FRMD4A: variants seen among roughly 807,000 people sequenced by gnomAD.
FRMD4A encodes FERM domain-containing protein 4A.
In FRMD4A, 29 loss-of-function variants were observed where a neutral mutation model predicts 129.1. The ratio of observed to expected loss-of-function variants is 0.22; its 90% CI spans 0.17 to 0.31. FRMD4A has a LOEUF of 0.31. FRMD4A is among the 10% of genes least tolerant of loss of function. The probability of loss-of-function intolerance (pLI) is 1.00; values close to 1 mark genes in which losing one functional copy is unlikely to be tolerated. For missense variants in FRMD4A, 1,272 were observed against 1,375.8 expected (o/e 0.92, Z 1.19); for synonymous variants, 634 against 571.6 (o/e 1.11, Z -1.56).
intron 2 of FRMD4A, among the ~76,000 whole-genome samples, chr10:14,068,502 G>A (rs769878364): frequency 6.6e-5 from 10 of 152,078 alleles, no homozygotes; most frequent in South Asian, 2.1e-4. Context: ...TGTTCATTAC[G>A]TTTGAATTTA....
At chr10:13,677,387 A>T (rs1362653096) in intron 15 of FRMD4A, among the ~76,000 whole-genome samples, 2 of 152,244 alleles carry the variant, frequency 1.3e-5, no homozygotes, top group East Asian at 1.9e-4. Context: ...TCTCCTCTTC[A>T]TAACAAAAAT....
intron 2 of FRMD4A, among the ~76,000 whole-genome samples, chr10:14,108,106 A>G (rs189765943): frequency 5.1e-4 from 77 of 152,272 alleles, no homozygotes; most frequent in African/African-American, 1.8e-3. Flanking sequence ...TCTCTCCAAT[A>G]AAATTCATTG....
intron 2 of FRMD4A, among the ~76,000 whole-genome samples, chr10:14,299,829 G>C (rs961976230): frequency 6.6e-6 from 1 of 152,210 alleles, no homozygotes; most frequent in African/African-American, 2.4e-5. Context: ...GAAGAATACA[G>C]TATGTGTAGT....
intron 8 of FRMD4A, among the ~76,000 whole-genome samples, chr10:13,760,693 G>T (rs997764475): frequency 2.6e-5 from 4 of 152,088 alleles, no homozygotes; most frequent in African/African-American, 9.7e-5. Context: ...CAAAGCATGG[G>T]GAAACAGACA....
At chr10:13,971,537 T>G in intron 2 of FRMD4A, 1 of 523,828 alleles carries the variant, frequency 1.9e-6, no homozygotes, top group Middle Eastern at 3.3e-4. Flanking sequence ...TGCTCCCTGT[T>G]AAATGTAACA....
intron 2 of FRMD4A, among the ~76,000 whole-genome samples, chr10:13,997,340 T>G (rs938699105): frequency 6.6e-6 from 1 of 152,224 alleles, no homozygotes; most frequent in Non-Finnish European, 1.5e-5. Context: ...CCATGGTCTC[T>G]AATTGCTCTC....
At chr10:13,952,527 G>T (rs531670775) in intron 2 of FRMD4A, among the ~76,000 whole-genome samples, 2 of 152,042 alleles carry the variant, frequency 1.3e-5, no homozygotes, top group African/African-American at 4.8e-5. Flanking sequence ...AACAAAAAAA[G>T]AAGACACCAA....
At chr10:13,923,267 C>T (rs966747060) in intron 2 of FRMD4A, among the ~76,000 whole-genome samples, 16 of 152,194 alleles carry the variant, frequency 1.1e-4, no homozygotes, top group Non-Finnish European at 1.8e-4. Flanking sequence ...GGAGAATCTA[C>T]AGTGTATATG....
intron 2 of FRMD4A, among the ~76,000 whole-genome samples, chr10:14,204,711 C>T (rs1842731020): frequency 6.6e-6 from 1 of 152,034 alleles, no homozygotes; most frequent in Non-Finnish European, 1.5e-5. Flanking sequence ...GGGCACATCA[C>T]GGAAACTGTC....
intron 2 of FRMD4A, among the ~76,000 whole-genome samples, chr10:14,104,615 G>A (rs1379360636): frequency 6.6e-6 from 1 of 152,214 alleles, no homozygotes; most frequent in Non-Finnish European, 1.5e-5. Context: ...CCCGACCTGA[G>A]TAGAAAGGCC....
intron 2 of FRMD4A, among the ~76,000 whole-genome samples, chr10:14,135,931 T>A (rs1214831189): frequency 6.6e-6 from 1 of 152,214 alleles, no homozygotes; most frequent in Non-Finnish European, 1.5e-5. Context: ...AGATGCTATA[T>A]TGAAATGCAT....
intron 12 of FRMD4A, among the ~76,000 whole-genome samples, chr10:13,721,747 G>T (rs1198566123): frequency 6.6e-6 from 1 of 152,220 alleles, no homozygotes; most frequent in African/African-American, 2.4e-5. Flanking sequence ...GGATGGGCAA[G>T]CACTCTCTCA....
chr10:13,765,658 C>G (rs1394626098), intron 6 of FRMD4A, among the ~76,000 whole-genome samples: 1 of 152,152 alleles, frequency 6.6e-6, no homozygotes, highest in African/African-American at 2.4e-5. Flanking sequence ...GTTTAACCAG[C>G]TGAAAGAGCT....
intron 12 of FRMD4A, among the ~76,000 whole-genome samples, chr10:13,732,324 C>CT (rs1027590253): frequency 5.0e-5 from 3 of 59,660 alleles, no homozygotes; most frequent in African/African-American, 1.2e-4. Context: ...TTTGTTTGGG[C>CT]TTTTTTGTGG....
At chr10:14,014,823 A>T (rs556555450) in intron 2 of FRMD4A, among the ~76,000 whole-genome samples, 15 of 152,176 alleles carry the variant, frequency 9.9e-5, no homozygotes, top group Non-Finnish European at 2.1e-4. Context: ...CTTTGGACAG[A>T]CTTTTCCTCC....
At chr10:14,077,977 G>T (rs1209839605) in intron 2 of FRMD4A, among the ~76,000 whole-genome samples, 1 of 152,142 alleles carries the variant, frequency 6.6e-6, no homozygotes, top group African/African-American at 2.4e-5. Context: ...GATGAGAAAG[G>T]TTTTATAAGG....
At position 13,680,053 on chromosome 10, in the gene FRMD4A, A is replaced by G. The variant is rs112055576; in HGVS notation, c.1118-5009T>C. Among the ~76,000 whole-genome samples, 1,196 of 152,346 alleles carry G rather than the reference A, an allele frequency of 7.9e-3. 10 individuals carry two copies. The highest frequency in any genetic ancestry group is 0.027 in the African/African-American group (1,102 of 41,572). On this transcript the variant is annotated intron_variant, in intron 15 of 24. Coordinates refer to ENST00000357447, the MANE Select transcript of FRMD4A (RefSeq NM_018027.5). The stretch of plus-strand genomic sequence containing the variant: ...GAAGCTACAAGACAGGGAGAAATCA[A>G]GAGGTGGAGGTTCACTCTCACTGCC...
At chr10:13,881,638 C>T (rs1050310431) in intron 2 of FRMD4A, among the ~76,000 whole-genome samples, 3 of 152,048 alleles carry the variant, frequency 2.0e-5, no homozygotes, top group Admixed American at 1.3e-4. Flanking sequence ...TCCTCAGTTA[C>T]ATTTCTGAGC....
At chr10:13,664,532 A>G (rs1216035424) in intron 18 of FRMD4A, among the ~76,000 whole-genome samples, 2 of 152,224 alleles carry the variant, frequency 1.3e-5, no homozygotes, top group Non-Finnish European at 1.5e-5. Flanking sequence ...TTTATGTTGC[A>G]TGATGGACTA....
Sources: allele counts gnomAD v4.1 joint callset (sites outside exome capture counted in the v4.1 genomes callset), GRCh38; gene constraint gnomAD v4.1.1; transcripts MANE v1.5; gene names NCBI Gene and HGNC (gene_info 2026-07-23, HGNC 2026-07-21).